The following RFX4 variants were observed in gnomAD, a reference collection of about 807,000 sequenced individuals.
The protein encoded by RFX4 is regulatory factor X4.
A neutral mutation model predicts 95.0 loss-of-function variants in RFX4; 10 were observed. That is an observed-to-expected ratio of 0.11 (90% CI 0.06 to 0.18). The LOEUF (loss-of-function observed/expected upper bound fraction) is 0.18. Ranked by LOEUF, RFX4 falls within the 10% of genes least tolerant of loss-of-function variation. The pLI is 1.00. For synonymous variants in RFX4, 321 were observed against 340.7 expected (o/e 0.94, Z 0.64); for missense variants, 640 against 922.0 (o/e 0.69, Z 3.96).
chr12:106,715,369 G>C, intron 10 of RFX4, 31 bp from the exon 11 acceptor site: 1 of 1,605,282 alleles, frequency 6.2e-7, no homozygotes, highest in Non-Finnish European at 8.5e-7. Context: ...AACAACCCAT[G>C]AGCTAACGAG....
chr12:106,599,894 T>A (rs951928911), intron 1 of RFX4, among the ~76,000 whole-genome samples: 5 of 152,184 alleles, frequency 3.3e-5, no homozygotes, highest in South Asian at 2.1e-4. Flanking sequence ...GTTTGGATGA[T>A]AAGGGATACG....
intron 15 of RFX4, among the ~76,000 whole-genome samples, chr12:106,744,501 A>C (rs1446910586): frequency 6.6e-6 from 1 of 152,238 alleles, no homozygotes; most frequent in Non-Finnish European, 1.5e-5. Context: ...CTCATGTAAG[A>C]ATACCTGAAT....
At chr12:106,688,434 A>G (rs943006243) in intron 6 of RFX4, among the ~76,000 whole-genome samples, 9 of 152,136 alleles carry the variant, frequency 5.9e-5, no homozygotes, top group Admixed American at 1.3e-4. Context: ...TTGAGCTTCT[A>G]CTAAGTCTCC....
At chr12:106,633,137 TG>T (rs1219969391) in intron 2 of RFX4, among the ~76,000 whole-genome samples, 1 of 152,180 alleles carries the variant, frequency 6.6e-6, no homozygotes, top group Non-Finnish European at 1.5e-5. Context: ...GAAAAGGGCT[TG>T]GGCATTCAGA....
chr12:106,671,665 TCTTTC>T (rs1028802908), intron 4 of RFX4, among the ~76,000 whole-genome samples: 1 of 152,244 alleles, frequency 6.6e-6, no homozygotes, highest in African/African-American at 2.4e-5. Context: ...TCTTTTCTTT[TCTTTC>T]TTTTGTTTGG....
intron 17 of RFX4, among the ~76,000 whole-genome samples, chr12:106,758,399 T>C (rs961375363): frequency 9.8e-4 from 149 of 152,332 alleles, no homozygotes; most frequent in African/African-American, 3.3e-3. Context: ...AGAATTTTAT[T>C]GTCACATTAG....
intron 2 of RFX4, among the ~76,000 whole-genome samples, chr12:106,633,214 C>T (rs577465277): frequency 6.6e-5 from 10 of 152,306 alleles, no homozygotes; most frequent in African/African-American, 2.2e-4. Context: ...CACCTGTTTG[C>T]TGACTGAGCT....
At chr12:106,732,411 G>A (rs1454964424) in intron 14 of RFX4, among the ~76,000 whole-genome samples, 162 bp downstream of exon 14, 1 of 152,080 alleles carries the variant, frequency 6.6e-6, no homozygotes, top group African/African-American at 2.4e-5. Flanking sequence ...TTTAAAGTGG[G>A]CATGTGGGCT....
At chr12:106,625,879 A>G (rs546536060) in intron 2 of RFX4, among the ~76,000 whole-genome samples, 2 of 152,350 alleles carry the variant, frequency 1.3e-5, no homozygotes, top group East Asian at 1.9e-4. Context: ...TTCAGAGATT[A>G]TGTGACTTGT....
In RFX4 at chr12:106,646,734, G is replaced by A. The variant is rs1446058331; in HGVS notation, c.191+7342G>A. Among the ~76,000 whole-genome samples, 8 of 152,260 alleles carry A rather than the reference G, an allele frequency of 5.3e-5. No individual in the cohort carries two copies. In the South Asian group the frequency reaches 1.7e-3, roughly 32 times the overall value. ...ACTGCTGAGCACACCTAATCCTCAT[G>A]AAAATCCTGTAGAGAAGGCAGGACA... On this transcript the variant is annotated intron_variant, in intron 3 of 17. Transcript: ENST00000392842.
intron 1 of RFX4, among the ~76,000 whole-genome samples, chr12:106,589,942 C>G (rs2039513859): frequency 1.3e-5 from 2 of 152,238 alleles, no homozygotes; most frequent in Non-Finnish European, 1.5e-5. Context: ...ATTCATTCAT[C>G]CAAGAAGACT....
chr12:106,684,871 G>A (rs1266690978), intron 5 of RFX4: 10 of 1,602,428 alleles, frequency 6.2e-6, no homozygotes, highest in Non-Finnish European at 7.7e-6. Flanking sequence ...CATTCAGATA[G>A]ATTCGAGATG....
intron 4 of RFX4, among the ~76,000 whole-genome samples, chr12:106,667,597 A>G (rs75149177): frequency 0.059 from 8,899 of 152,074 alleles, 552 homozygotes; most frequent in East Asian, 0.29. Context: ...TGTCAATTAC[A>G]ATTCAGGTGT....
chr12:106,716,957 C>T (rs2042305212), intron 11 of RFX4, among the ~76,000 whole-genome samples: 1 of 141,586 alleles, frequency 7.1e-6, no homozygotes, highest in Admixed American at 7.4e-5. Context: ...GCTTCATCAC[C>T]AGGCCTTAGT....
intron 2 of RFX4, among the ~76,000 whole-genome samples, chr12:106,610,843 T>C (rs2039945812): frequency 6.6e-6 from 1 of 152,224 alleles, no homozygotes; most frequent in Non-Finnish European, 1.5e-5. Context: ...GAAATGAAAT[T>C]GTTGGATCAT....
In RFX4 at chr12:106,732,910, A is replaced by C; in HGVS notation, c.1472-14A>C. On this transcript the variant is annotated splice_polypyrimidine_tract_variant and intron_variant, in intron 14 of 17. Coordinates refer to ENST00000392842, the MANE Select transcript of RFX4 (RefSeq NM_213594.3). ...ACATTTGGTTTTAAAAACTTACCCT[A>C]TCTCTATCCACAGCAGAAGTCCGAG... The C allele has an allele frequency of 6.2e-7, 1 of 1,611,190 alleles. No individual in the cohort carries two copies. The highest frequency in any genetic ancestry group is 8.5e-7 in the Non-Finnish European group (1 of 1,177,762).
At chr12:106,658,499 T>C (rs2041006104) in intron 4 of RFX4, among the ~76,000 whole-genome samples, 1 of 152,178 alleles carries the variant, frequency 6.6e-6, no homozygotes, top group Non-Finnish European at 1.5e-5. Context: ...AACTTCAATC[T>C]CACATCTAAG....
intron 7 of RFX4, among the ~76,000 whole-genome samples, chr12:106,690,574 T>G (rs2041759785): frequency 6.8e-6 from 1 of 147,158 alleles, no homozygotes; most frequent in South Asian, 2.1e-4. Context: ...GTTGGAAGGC[T>G]GGTTGCTGGG....
chr12:106,599,550 A>G (rs1022309606), intron 1 of RFX4, among the ~76,000 whole-genome samples: 7 of 151,904 alleles, frequency 4.6e-5, no homozygotes, highest in African/African-American at 9.7e-5. Context: ...ATTCCAGGAG[A>G]ATGATATTAG....
Sources: gnomAD v4.1 joint callset for allele counts (sites outside exome capture counted in the v4.1 genomes callset) on GRCh38, gnomAD v4.1.1 for gene constraint, MANE v1.5 for transcripts, NCBI Gene and HGNC (gene_info 2026-07-23, HGNC 2026-07-21) for gene names.